TMEM178B: variants seen among roughly 807,000 people sequenced by gnomAD.
The protein encoded by TMEM178B is transmembrane protein 178B.
Under a neutral mutation model 31.0 loss-of-function variants are expected in TMEM178B, and 5 were observed. The observed-to-expected ratio is 0.16, with a 90% CI of 0.08 to 0.34. The LOEUF is 0.34. Among genes scored for constraint, TMEM178B ranks in the 10% least tolerant of loss-of-function variants. TMEM178B has a pLI of 1.00. For missense variants in TMEM178B, 275 were observed against 400.3 expected, an observed-to-expected ratio of 0.69 and a Z score of 2.67; for synonymous variants, 164 against 164.0, an observed-to-expected ratio of 1.00 and a Z score of 0.00.
chr7:141,103,377 T>C (rs1293954284), intron 1 of TMEM178B, among the ~76,000 whole-genome samples: 1 of 152,218 alleles, frequency 6.6e-6, no homozygotes, highest in Non-Finnish European at 1.5e-5. Context: ...TGATTGGAAG[T>C]TGAAATTCGA....
At chr7:141,332,010 G>A (rs1399594469) in intron 2 of TMEM178B, among the ~76,000 whole-genome samples, 1 of 152,112 alleles carries the variant, frequency 6.6e-6, no homozygotes. Context: ...GTGTTCTCAG[G>A]ACACTTACCT....
At chr7:141,427,327 A>C (rs895196953) in intron 2 of TMEM178B, among the ~76,000 whole-genome samples, 1 of 152,212 alleles carries the variant, frequency 6.6e-6, no homozygotes, top group South Asian at 2.1e-4. Flanking sequence ...GCAAAACTAT[A>C]GTAATCAAAA....
chr7:141,385,333 A>T lies in TMEM178B; in HGVS notation c.497-52275A>T, dbSNP rs1407861455. On this transcript the variant is annotated intron_variant, in intron 2 of 3. Coordinates refer to ENST00000565468, the MANE Select transcript of TMEM178B (RefSeq NM_001195278.2). ...TCCCCTTGGGCTGTGTATACATAAT[A>T]TGGCCCTGCCATAAGATGGTCTGCT... is the stretch of plus-strand genomic sequence containing the variant. 3.3e-5 allele frequency among the ~76,000 whole-genome samples: 5 copies of T among 152,246 alleles called. No homozygotes were observed. The East Asian group carries it at 9.7e-4, about 30-fold the overall frequency.
At chr7:141,196,594 A>C (rs764963257) in intron 1 of TMEM178B, among the ~76,000 whole-genome samples, 1 of 152,210 alleles carries the variant, frequency 6.6e-6, no homozygotes, top group Non-Finnish European at 1.5e-5. Context: ...GGTTAGAGCT[A>C]AGGGTTGGGG....
At chr7:141,363,523 G>C (rs759433459) in intron 2 of TMEM178B, among the ~76,000 whole-genome samples, 1 of 152,168 alleles carries the variant, frequency 6.6e-6, no homozygotes, top group Admixed American at 6.5e-5. Flanking sequence ...CTCATGGGTG[G>C]GAGACCAGGA....
chr7:141,340,431 A>G (rs542858612), intron 2 of TMEM178B, among the ~76,000 whole-genome samples: 5 of 152,298 alleles, frequency 3.3e-5, no homozygotes, highest in African/African-American at 9.6e-5. Context: ...AATTTAATCT[A>G]TAAATCTTGT....
At chr7:141,257,291 G>A (rs900438550) in intron 2 of TMEM178B, among the ~76,000 whole-genome samples, 1 of 152,232 alleles carries the variant, frequency 6.6e-6, no homozygotes, top group African/African-American at 2.4e-5. Context: ...AATAATGGAA[G>A]AAGTAAGTCC....
chr7:141,303,348 A>G (rs1276276575), intron 2 of TMEM178B, among the ~76,000 whole-genome samples: 1 of 152,188 alleles, frequency 6.6e-6, no homozygotes, highest in Non-Finnish European at 1.5e-5. Context: ...TTCCATGAAT[A>G]GTTGTCTTGG....
chr7:141,188,308 A>C (rs1026862914), intron 1 of TMEM178B, among the ~76,000 whole-genome samples: 6 of 152,208 alleles, frequency 3.9e-5, no homozygotes, highest in Non-Finnish European at 7.3e-5. Context: ...GAAATTATCC[A>C]AAATCTGAAG....
chr7:141,209,507 A>G (rs1797017079), intron 1 of TMEM178B, among the ~76,000 whole-genome samples: 1 of 152,232 alleles, frequency 6.6e-6, no homozygotes, highest in Non-Finnish European at 1.5e-5. Flanking sequence ...AACACCTCGT[A>G]TTATTCATTT....
intron 2 of TMEM178B, among the ~76,000 whole-genome samples, chr7:141,360,352 G>A (rs1799896462): frequency 6.6e-6 from 1 of 152,130 alleles, no homozygotes; most frequent in Non-Finnish European, 1.5e-5. Context: ...TCCTTTTCTT[G>A]GCCTCCATGC....
At chr7:141,324,432 T>TTTG (rs1563151683) in intron 2 of TMEM178B, among the ~76,000 whole-genome samples, 9 of 121,288 alleles carry the variant, frequency 7.4e-5, no homozygotes, top group Non-Finnish European at 1.5e-4. Flanking sequence ...TTTTTTTTTT[T>TTTG]TTTTTTTTTT....
chr7:141,116,079 G>A (rs10252472), intron 1 of TMEM178B, among the ~76,000 whole-genome samples: 45,267 of 152,126 alleles, frequency 0.3, 7,216 homozygotes, highest in South Asian at 0.47. Context: ...TCCGAGTTCA[G>A]TGTTTCATGT....
chr7:141,316,289 G>A (rs1205340945), intron 2 of TMEM178B, among the ~76,000 whole-genome samples: 1 of 152,022 alleles, frequency 6.6e-6, no homozygotes, highest in Non-Finnish European at 1.5e-5. Context: ...TTTCTGAGGG[G>A]GAAATTGATA....
At chr7:141,217,057 C>A (rs368698481) in intron 2 of TMEM178B, among the ~76,000 whole-genome samples, 8 of 152,134 alleles carry the variant, frequency 5.3e-5, no homozygotes, top group African/African-American at 1.7e-4. Flanking sequence ...TTAAATATAA[C>A]AGAATCTGAT....
At chr7:141,358,793 A>G (rs1799867225) in intron 2 of TMEM178B, among the ~76,000 whole-genome samples, 1 of 152,162 alleles carries the variant, frequency 6.6e-6, no homozygotes, top group Admixed American at 6.6e-5. Context: ...ACTGTCCATT[A>G]AAAAGGAATA....
Position 141,168,328 on chromosome 7 carries a change from CTGCCTTGGAGAAGGTCTCTA to C in TMEM178B, c.383-44262_383-44243del, listed in dbSNP as rs1796293674. Among the ~76,000 whole-genome samples the C allele has an allele frequency of 2.0e-5, 3 of 152,330 alleles. No homozygotes were observed. The South Asian group carries it at 6.2e-4, about 32-fold the overall frequency. ...TGGCATCTCCTTCCAGAGACACATC[CTGCCTTGGAGAAGGTCTCTA>C]GGCCTTGGAGAATGGGAACCAAGGC... On this transcript the variant is annotated intron_variant, in intron 1 of 3. Transcript: ENST00000565468.
chr7:141,176,336 G>GCCAGT (rs1796434140), intron 1 of TMEM178B, among the ~76,000 whole-genome samples: 3 of 152,212 alleles, frequency 2.0e-5, no homozygotes, highest in Admixed American at 6.5e-5. Flanking sequence ...TAAGCTTTCT[G>GCCAGT]ATGTGCTGTT....
intron 2 of TMEM178B, among the ~76,000 whole-genome samples, chr7:141,227,379 T>G (rs1047487036): frequency 2.6e-5 from 4 of 152,224 alleles, no homozygotes; most frequent in African/African-American, 9.6e-5. Flanking sequence ...CCTGCCCTCA[T>G]GGAGCTTGCA....
Sources: allele counts gnomAD v4.1 joint callset (sites outside exome capture counted in the v4.1 genomes callset), GRCh38; gene constraint gnomAD v4.1.1; transcripts MANE v1.5; gene names NCBI Gene and HGNC (gene_info 2026-07-23, HGNC 2026-07-21).